GRAMD2B: variants seen among roughly 807,000 people sequenced by gnomAD.
GRAMD2B encodes the protein GRAM domain containing 2B.
In GRAMD2B, 41 loss-of-function variants were observed where a neutral mutation model predicts 59.2. The observed-to-expected ratio is 0.69, with a 90% CI of 0.54 to 0.90. The LOEUF (loss-of-function observed/expected upper bound fraction) is 0.90. GRAMD2B is among the 40% of genes least tolerant of loss of function. The pLI is 0.00. For missense variants in GRAMD2B, 424 were observed against 500.5 expected (o/e 0.85, Z 1.46); for synonymous variants, 161 against 182.7 (o/e 0.88, Z 0.96).
chr5:126,366,822 C>T (rs1025047741), upstream of GRAMD2B, among the ~76,000 whole-genome samples: 2 of 145,652 alleles, frequency 1.4e-5, no homozygotes, highest in Admixed American at 6.8e-5. Context: ...AACTGAAATT[C>T]AAGGTGATTT....
intron 1 of GRAMD2B, among the ~76,000 whole-genome samples, chr5:126,362,489 C>T (rs1225525159): frequency 6.6e-6 from 1 of 151,980 alleles, no homozygotes; most frequent in Non-Finnish European, 1.5e-5. Context: ...AAACAACTAC[C>T]TAGAAAATTA....
chr5:126,427,568 G>C (rs1216217542), intron 1 of GRAMD2B, among the ~76,000 whole-genome samples: 2 of 152,088 alleles, frequency 1.3e-5, no homozygotes, highest in Non-Finnish European at 2.9e-5. Context: ...GATAGATGTG[G>C]GCAACAAGAA....
At chr5:126,372,072 C>T (rs1017510464) in intron 1 of GRAMD2B, among the ~76,000 whole-genome samples, 4 of 152,100 alleles carry the variant, frequency 2.6e-5, no homozygotes, top group Non-Finnish European at 5.9e-5. Context: ...GCAGTTTTGG[C>T]CAATTTCAGA....
intron 1 of GRAMD2B, among the ~76,000 whole-genome samples, chr5:126,401,033 A>G (rs191898649): frequency 2.6e-5 from 4 of 152,136 alleles, no homozygotes; most frequent in Admixed American, 1.3e-4. Context: ...CTTTCTTCCC[A>G]TTTCTCTTTT....
intron 1 of GRAMD2B, among the ~76,000 whole-genome samples, chr5:126,388,892 T>C (rs1266361516): frequency 6.6e-6 from 1 of 151,824 alleles, no homozygotes; most frequent in Non-Finnish European, 1.5e-5. Flanking sequence ...AATTGAAAAA[T>C]TATCTATTAG....
chr5:126,387,267 T>C, intron 1 of GRAMD2B, among the ~76,000 whole-genome samples: 1 of 43,652 alleles, frequency 2.3e-5, no homozygotes, highest in African/African-American at 3.9e-5. Context: ...AAATTTTAAC[T>C]CTTCTGAAAA....
upstream of GRAMD2B, among the ~76,000 whole-genome samples, chr5:126,370,711 C>T (rs1754704785): frequency 6.6e-6 from 1 of 152,216 alleles, no homozygotes; most frequent in Non-Finnish European, 1.5e-5. Context: ...GGATCACCTG[C>T]AGTTGCCCAG....
intron 1 of GRAMD2B, among the ~76,000 whole-genome samples, chr5:126,361,714 CCTACCTCACG>C (rs1176663411): frequency 6.6e-6 from 1 of 152,138 alleles, no homozygotes; most frequent in Non-Finnish European, 1.5e-5. Context: ...GTCACCAAAC[CCTACCTCACG>C]CTATAGAGTT....
intron 6 of GRAMD2B, among the ~76,000 whole-genome samples, chr5:126,479,213 T>G (rs1210323130): frequency 6.6e-6 from 1 of 152,126 alleles, no homozygotes; most frequent in East Asian, 1.9e-4. Flanking sequence ...TATTTTTTCT[T>G]TTTTCAATAG....
chr5:126,460,668 G>A (rs568194342), intron 1 of GRAMD2B, among the ~76,000 whole-genome samples: 46 of 152,078 alleles, frequency 3.0e-4, no homozygotes, highest in African/African-American at 1.0e-3. Context: ...CCCAAGTATC[G>A]TGGCCTGTGT....
chr5:126,482,753 C>T (rs1280845989), intron 8 of GRAMD2B, among the ~76,000 whole-genome samples: 2 of 152,192 alleles, frequency 1.3e-5, no homozygotes, highest in Non-Finnish European at 1.5e-5. Context: ...CTTCATTTGG[C>T]AGCTGACTAA....
At chr5:126,483,737 T>C (rs1772321393) in intron 9 of GRAMD2B, 163 bp downstream of exon 9, 4 of 565,406 alleles carry the variant, frequency 7.1e-6, no homozygotes, top group Non-Finnish European at 9.3e-6. Flanking sequence ...CCTTGAGAGT[T>C]GGAGGGAAAA....
intron 1 of GRAMD2B, among the ~76,000 whole-genome samples, chr5:126,405,490 C>T (rs1417853003): frequency 2.0e-5 from 3 of 151,786 alleles, no homozygotes; most frequent in Admixed American, 6.6e-5. Context: ...ATAATCTGTG[C>T]GAGGCACAGT....
chr5:126,469,871 C>A, intron 3 of GRAMD2B, 83 bp downstream of exon 3: 1 of 892,102 alleles, frequency 1.1e-6, no homozygotes. Flanking sequence ...CAAGTATGCA[C>A]CTTCCTGCTG....
At chr5:126,360,354 T>C (rs1754161860) in exon 1 of GRAMD2B, 5 of 1,551,188 alleles carry the variant, frequency 3.2e-6, no homozygotes, top group South Asian at 2.4e-5. Flanking sequence ...CAGCAAGTCC[T>C]ACAAGCAAAA....
Position 126,492,970 on chromosome 5 carries a change from T to C in GRAMD2B, c.*14T>C, listed in dbSNP as rs367559017. ...AATGGTGACTGATCGACCAGATTGC[T>C]TGGGCCATCGGAATACCTCATGTTT... On this transcript the variant is annotated 3_prime_UTR_variant, in exon 14 of 14. Coordinates refer to ENST00000285689, the MANE Select transcript of GRAMD2B (RefSeq NM_023927.4). 4 of 1,609,924 alleles carry C rather than the reference T, an allele frequency of 2.5e-6. No homozygotes were observed. Among genetic ancestry groups the C allele is most frequent in the African/African-American group, 2.7e-5 (2 of 74,848 alleles).
chr5:126,376,418 A>C (rs1755188928), intron 1 of GRAMD2B, among the ~76,000 whole-genome samples: 1 of 152,224 alleles, frequency 6.6e-6, no homozygotes, highest in Admixed American at 6.5e-5. Flanking sequence ...GCTCCAATGC[A>C]TCTGTGTCTT....
At chr5:126,432,759 T>C (rs1218637406) in intron 1 of GRAMD2B, among the ~76,000 whole-genome samples, 2 of 152,196 alleles carry the variant, frequency 1.3e-5, no homozygotes, top group Non-Finnish European at 2.9e-5. Flanking sequence ...GTTGGACTTG[T>C]TTTGATGTGA....
At chr5:126,465,402 G>A in intron 1 of GRAMD2B, 24 bp from the exon 2 acceptor site, 2 of 1,613,916 alleles carry the variant, frequency 1.2e-6, no homozygotes, top group Non-Finnish European at 1.7e-6. Context: ...TGTCTAAAGT[G>A]AAGCGGTTTC....
Sources: gnomAD v4.1 joint callset for allele counts (sites outside exome capture counted in the v4.1 genomes callset) on GRCh38, gnomAD v4.1.1 for gene constraint, MANE v1.5 for transcripts, NCBI Gene and HGNC (gene_info 2026-07-23, HGNC 2026-07-21) for gene names.